PCDH11Y: variants seen among roughly 807,000 people sequenced by gnomAD.
The protein encoded by PCDH11Y is protocadherin 11 Y-linked, also known as protocadherin-11 Y-linked.
For synonymous variants in PCDH11Y, 9 were observed against 83.6 expected (o/e 0.11, Z 4.87); for missense variants, 12 against 224.8 (o/e 0.05, Z 6.05).
At chrY:5,635,109 A>G in intron 4 of PCDH11Y, among the ~76,000 whole-genome samples, 2 of 32,904 alleles carry the variant, frequency 6.1e-5, no homozygotes, top group African/African-American at 2.4e-4. Flanking sequence ...CAAATGAAAA[A>G]GAAATTGTTC....
intron 2 of PCDH11Y, among the ~76,000 whole-genome samples, chrY:5,477,278 T>C (rs2053320426): frequency 3.1e-5 from 1 of 32,707 alleles, no homozygotes; most frequent in South Asian, 7.1e-4. Flanking sequence ...CATGTGGTTT[T>C]TGTCATTGGT....
At chrY:5,095,418 A>G in intron 1 of PCDH11Y, among the ~76,000 whole-genome samples, 1 of 32,786 alleles carries the variant, frequency 3.1e-5, no homozygotes, top group East Asian at 8.0e-4. Context: ...CACCACCATA[A>G]CCTTGGCATC....
chrY:5,692,699 C>T, intron 4 of PCDH11Y, among the ~76,000 whole-genome samples: 1 of 33,105 alleles, frequency 3.0e-5, no homozygotes, highest in South Asian at 6.7e-4. Flanking sequence ...TACATATTTA[C>T]ACCAGTTCAG....
chrY:5,374,457 ATG>A (rs2053196025), intron 2 of PCDH11Y, among the ~76,000 whole-genome samples: 1 of 27,785 alleles, frequency 3.6e-5, no homozygotes, highest in Non-Finnish European at 8.2e-5. Context: ...ATATATATAT[ATG>A]TGTATATATA....
intron 3 of PCDH11Y, among the ~76,000 whole-genome samples, chrY:5,524,683 T>G: frequency 1.2e-4 from 4 of 32,761 alleles, no homozygotes; most frequent in Non-Finnish European, 2.2e-4. Context: ...AAGCCCCGCA[T>G]GCATTAGGTA....
chrY:5,051,664 A>G, upstream of PCDH11Y, among the ~76,000 whole-genome samples: 2 of 33,668 alleles, frequency 5.9e-5, no homozygotes, highest in African/African-American at 1.2e-4. Context: ...AGAATGAATC[A>G]GCAAACAATA....
intron 2 of PCDH11Y, among the ~76,000 whole-genome samples, chrY:5,340,629 TGTGA>T (rs2053144062): frequency 3.0e-4 from 10 of 33,751 alleles, no homozygotes; most frequent in Admixed American, 5.5e-4. Context: ...GGTGTGTAAA[TGTGA>T]GTGTTTTAGT....
chrY:5,429,437 T>G, intron 2 of PCDH11Y, among the ~76,000 whole-genome samples: 1 of 33,621 alleles, frequency 3.0e-5, no homozygotes, highest in Non-Finnish European at 7.4e-5. Flanking sequence ...ATCTATCCAT[T>G]AAATTTTAAT....
chrY:5,602,542 T>A, intron 4 of PCDH11Y, among the ~76,000 whole-genome samples: 2 of 32,368 alleles, frequency 6.2e-5, no homozygotes, highest in South Asian at 1.4e-3. Context: ...AGCATATTCA[T>A]TTACCACAGA....
At chrY:5,718,420 G>T in intron 4 of PCDH11Y, among the ~76,000 whole-genome samples, 1 of 32,457 alleles carries the variant, frequency 3.1e-5, no homozygotes, top group Non-Finnish European at 7.5e-5. Context: ...TAATCCCCAT[G>T]TGTTGTGGGA....
chrY:5,071,846 T>C, intron 1 of PCDH11Y, among the ~76,000 whole-genome samples: 1 of 33,322 alleles, frequency 3.0e-5, no homozygotes, highest in Non-Finnish European at 7.5e-5. Context: ...TGTGGATACC[T>C]ACAATTTTAA....
At chrY:5,634,786 CTGTG>C (rs376011278) in intron 4 of PCDH11Y, 34 of 26,756 alleles carry the variant, frequency 1.3e-3, no homozygotes, top group Non-Finnish European at 2.3e-3. Context: ...AAAAATGTAT[CTGTG>C]TGTGTGTGTG....
At chrY:5,550,948 AC>A (rs2053418046) in intron 3 of PCDH11Y, among the ~76,000 whole-genome samples, 1 of 31,763 alleles carries the variant, frequency 3.1e-5, no homozygotes, top group Non-Finnish European at 7.7e-5. Context: ...GTGGAAAAGG[AC>A]CCTGCTTTAA....
rs2124697212 is a variant in PCDH11Y, at chrY:5,578,729, A to G, written c.3329-3046A>G. On this transcript the variant is annotated intron_variant, in intron 3 of 4. Transcript: ENST00000400457. ...ATTTGTATTAGGAACTATAATAAACATTGTAATTCACTGAATTAAGGAGGA... is the reference window on the plus strand; with the variant it reads ...ATTTGTATTAGGAACTATAATAAACGTTGTAATTCACTGAATTAAGGAGGA... Among the ~76,000 whole-genome samples the G allele has an allele frequency of 2.4e-4, 8 of 33,644 alleles. No homozygotes were observed. The East Asian group carries it at 5.5e-3, about 23-fold the overall frequency. The allele number at this position is 33,644 out of a possible 37,273, so 90.3% of individuals were successfully genotyped here.
chrY:5,338,475 C>A, intron 2 of PCDH11Y: 1 of 394,173 alleles, frequency 2.5e-6, no homozygotes, highest in Non-Finnish European at 3.6e-6. Context: ...TTAAGCATAT[C>A]AAACACACGG....
intron 2 of PCDH11Y, among the ~76,000 whole-genome samples, chrY:5,243,124 G>T: frequency 3.0e-5 from 1 of 33,546 alleles, no homozygotes; most frequent in African/African-American, 1.2e-4. Context: ...ACAGCTATCT[G>T]GAAATTAATG....
intron 2 of PCDH11Y, among the ~76,000 whole-genome samples, chrY:5,231,192 T>C (rs2052967448): frequency 1.8e-4 from 6 of 32,544 alleles, no homozygotes; most frequent in Admixed American, 5.8e-4. Flanking sequence ...TTTTTCTGGA[T>C]GGTGGTGATG....
intron 3 of PCDH11Y, among the ~76,000 whole-genome samples, chrY:5,521,388 G>C: frequency 6.2e-5 from 2 of 32,100 alleles, no homozygotes; most frequent in Non-Finnish European, 1.5e-4. Context: ...GGCCAAGCTG[G>C]TCTCGAACTC....
At chrY:5,615,998 A>G in intron 4 of PCDH11Y, among the ~76,000 whole-genome samples, 1 of 33,431 alleles carries the variant, frequency 3.0e-5, no homozygotes, top group Non-Finnish European at 7.4e-5. Flanking sequence ...AACTTCTAAG[A>G]ATGCACTATA....
Sources: gnomAD v4.1 joint callset for allele counts (sites outside exome capture counted in the v4.1 genomes callset) on GRCh38, gnomAD v4.1.1 for gene constraint, MANE v1.5 for transcripts, NCBI Gene and HGNC (gene_info 2026-07-23, HGNC 2026-07-21) for gene names.